The following SEMA5A variants were observed in gnomAD, a reference collection of about 807,000 sequenced individuals.
SEMA5A encodes semaphorin-5A.
Under a neutral mutation model 135.5 loss-of-function variants are expected in SEMA5A, and 55 were observed. The observed-to-expected ratio is 0.41, with a 90% CI of 0.33 to 0.51. SEMA5A has a LOEUF of 0.51. Ranked by LOEUF, SEMA5A falls within the 20% of genes least tolerant of loss-of-function variation. SEMA5A has a pLI of 0.37. For synonymous variants in SEMA5A, 580 were observed against 546.5 expected, an observed-to-expected ratio of 1.06 and a Z score of -0.85; for missense variants, 1,290 against 1,419.9, an observed-to-expected ratio of 0.91 and a Z score of 1.47.
intron 11 of SEMA5A, among the ~76,000 whole-genome samples, chr5:9,186,796 A>T (rs1308443047): frequency 2.6e-5 from 4 of 152,212 alleles, no homozygotes. Flanking sequence ...CCATCACCTA[A>T]AATATTATGT....
At chr5:9,454,583 A>G (rs1758762089) in intron 1 of SEMA5A, among the ~76,000 whole-genome samples, 1 of 152,250 alleles carries the variant, frequency 6.6e-6, no homozygotes, top group Non-Finnish European at 1.5e-5. Context: ...AATTCAATTG[A>G]ATGACTTTTA....
At chr5:9,480,527 C>T (rs926378507) in intron 1 of SEMA5A, among the ~76,000 whole-genome samples, 11 of 152,136 alleles carry the variant, frequency 7.2e-5, no homozygotes, top group African/African-American at 1.7e-4. Context: ...CAATTAGATT[C>T]GTTTTTGGTG....
chr5:9,476,025 T>C (rs1376370518), intron 1 of SEMA5A, among the ~76,000 whole-genome samples: 2 of 152,226 alleles, frequency 1.3e-5, no homozygotes, highest in Admixed American at 1.3e-4. Context: ...TATTAGGCTA[T>C]ACATGCTGTT....
rs1735903224 is a variant in SEMA5A at position 9,040,530 on chromosome 5, T to A, written c.*2367A>T. 6.6e-6 allele frequency: 1 copy of A among 152,216 alleles called. No homozygotes were observed. The highest frequency in any genetic ancestry group is 2.1e-4 in the South Asian group (1 of 4,826). The allele number at this position is 152,216 out of a possible 1,614,324, so 9.4% of individuals were successfully genotyped here. A position where few individuals can be genotyped will look rare whatever the true frequency, so the allele number is the denominator to read the frequency against. The stretch of plus-strand genomic sequence containing the variant: ...ATATATCTGAAATTATCTAAACACT[T>A]GCTATTCTGTCAAATAAGAGAGAGA... On this transcript the variant is annotated 3_prime_UTR_variant, in exon 23 of 23. Coordinates refer to ENST00000382496, the MANE Select transcript of SEMA5A (RefSeq NM_003966.3).
At position 9,450,585 on chromosome 5, in the gene SEMA5A, C is replaced by T. The variant is rs574977606; in HGVS notation, c.-174-12733G>A. On this transcript the variant is annotated intron_variant, in intron 1 of 22. Transcript: ENST00000382496. ...ATCTCCCTTGCTGCTGCCTGTCACA[C>T]CTACACCCCTCTCCACTCACCCAGC... 2.6e-5 allele frequency among the ~76,000 whole-genome samples: 4 copies of T among 152,202 alleles called. No homozygotes were observed. In the South Asian group the frequency reaches 8.3e-4, roughly 32 times the overall value.
rs191000121 is a variant in SEMA5A at position 9,098,567 on chromosome 5, G to A, written c.2073+9573C>T. 2.6e-5 allele frequency among the ~76,000 whole-genome samples: 4 copies of A among 152,288 alleles called. No individual in the cohort carries two copies. The East Asian group carries it at 7.7e-4, about 29-fold the overall frequency. ...AACTTCTATTAAGACTTTAAATCTA[G>A]AGAGTCACTCTTAATTACTCATTTT... On this transcript the variant is annotated intron_variant, in intron 16 of 22. Transcript: ENST00000382496.
intron 11 of SEMA5A, among the ~76,000 whole-genome samples, chr5:9,161,711 A>C (rs1005881116): frequency 2.2e-4 from 33 of 152,226 alleles, no homozygotes; most frequent in African/African-American, 8.0e-4. Context: ...GGCTACACGC[A>C]AACAAGAGAC....
At chr5:9,196,766 G>T (rs918179605) in intron 10 of SEMA5A, among the ~76,000 whole-genome samples, 1 of 152,106 alleles carries the variant, frequency 6.6e-6, no homozygotes, top group Non-Finnish European at 1.5e-5. Flanking sequence ...GCCAATTAGC[G>T]CTCTAATCCT....
At chr5:9,059,459 G>A (rs1037335376) in intron 18 of SEMA5A, among the ~76,000 whole-genome samples, 6 of 152,182 alleles carry the variant, frequency 3.9e-5, no homozygotes, top group African/African-American at 1.2e-4. Flanking sequence ...GCTTGACTTA[G>A]AAACCTTATT....
intron 16 of SEMA5A, among the ~76,000 whole-genome samples, chr5:9,096,294 A>C (rs1457907743): frequency 6.6e-6 from 1 of 152,158 alleles, no homozygotes; most frequent in African/African-American, 2.4e-5. Flanking sequence ...CAAGGTGTTC[A>C]TTCTACATAT....
At chr5:9,454,022 G>T (rs1008898679) in intron 1 of SEMA5A, among the ~76,000 whole-genome samples, 4 of 152,192 alleles carry the variant, frequency 2.6e-5, no homozygotes, top group Non-Finnish European at 5.9e-5. Context: ...GGGGAGCACA[G>T]AACTTATCTT....
At chr5:9,445,090 CAAAT>C in intron 1 of SEMA5A, among the ~76,000 whole-genome samples, 1 of 152,236 alleles carries the variant, frequency 6.6e-6, no homozygotes, top group Middle Eastern at 3.4e-3. Flanking sequence ...TTCCAATAAG[CAAAT>C]AAATGGCCTT....
chr5:9,457,561 C>A (rs1001295219), intron 1 of SEMA5A, among the ~76,000 whole-genome samples: 19 of 152,156 alleles, frequency 1.2e-4, no homozygotes, highest in African/African-American at 4.6e-4. Flanking sequence ...GAATGGTCTA[C>A]TCTACGAGCC....
chr5:9,204,088 A>C lies in SEMA5A; in HGVS notation c.647-1848T>G, dbSNP rs1745876047. ...AACAATTTCAAAACCATGTGTAAAGAAAATAATACTGGCATGTCTAATTCT... is the reference window on the plus strand; with the variant it reads ...AACAATTTCAAAACCATGTGTAAAGCAAATAATACTGGCATGTCTAATTCT... On this transcript the variant is annotated intron_variant, in intron 8 of 22. Transcript: ENST00000382496. This position sits in a 1 kb window ranked among gnomAD's most constrained non-coding sequence, Gnocchi z 6.4. Among the ~76,000 whole-genome samples, 1 of 152,234 alleles carries C rather than the reference A, an allele frequency of 6.6e-6. No individual in the cohort carries two copies. The highest frequency in any genetic ancestry group is 6.5e-5 in the Admixed American group (1 of 15,280).
chr5:9,280,758 T>C (rs760764458), intron 5 of SEMA5A: 11 of 401,032 alleles, frequency 2.7e-5, no homozygotes, highest in South Asian at 1.7e-4. Flanking sequence ...CTTGCTAAGA[T>C]GAGAACATCA....
Position 9,505,390 on chromosome 5 carries a change from A to G in SEMA5A, c.-175+40194T>C, listed in dbSNP as rs193115867. On this transcript the variant is annotated intron_variant, in intron 1 of 22. Coordinates refer to ENST00000382496, the MANE Select transcript of SEMA5A (RefSeq NM_003966.3). ...ACATGCCTATGACTCAAACTTTCAA[A>G]CCACCCCCACACTCCATCAGTTATT... 6.0e-4 allele frequency among the ~76,000 whole-genome samples: 92 copies of G among 152,252 alleles called. 1 individual carries two copies. Among genetic ancestry groups the G allele is most frequent in the Admixed American group, 5.8e-3 (88 of 15,294 alleles).
chr5:9,306,082 C>T (rs1164404149), intron 5 of SEMA5A, among the ~76,000 whole-genome samples: 1 of 152,158 alleles, frequency 6.6e-6, no homozygotes, highest in Non-Finnish European at 1.5e-5. Flanking sequence ...AAGATTTATC[C>T]CTTTTCCACG....
At chr5:9,259,414 G>C (rs1662346186) in intron 5 of SEMA5A, among the ~76,000 whole-genome samples, 2 of 151,886 alleles carry the variant, frequency 1.3e-5, no homozygotes, top group Admixed American at 6.6e-5. Context: ...TGTGGTCTGA[G>C]AGATAGTTTG....
intron 11 of SEMA5A, among the ~76,000 whole-genome samples, chr5:9,161,372 G>A (rs371425017): frequency 6.6e-6 from 1 of 152,112 alleles, no homozygotes; most frequent in African/African-American, 2.4e-5. Flanking sequence ...TGACACATCA[G>A]ACTCCACAAA....
Sources: allele counts gnomAD v4.1 joint callset (sites outside exome capture counted in the v4.1 genomes callset), GRCh38; gene constraint gnomAD v4.1.1; non-coding constraint Gnocchi (gnomAD v3.1); transcripts MANE v1.5; gene names NCBI Gene and HGNC (gene_info 2026-07-23, HGNC 2026-07-21).